The following ADAMTS20 variants were observed in gnomAD, a reference collection of about 807,000 sequenced individuals.
ADAMTS20 encodes A disintegrin and metalloproteinase with thrombospondin motifs 20.
Under a neutral mutation model 260.1 loss-of-function variants are expected in ADAMTS20, and 225 were observed. The ratio of observed to expected loss-of-function variants is 0.87; its 90% confidence interval spans 0.78 to 0.97. The LOEUF is 0.97. Among genes scored for constraint, ADAMTS20 ranks in the 50% least tolerant of loss-of-function variants. The probability of loss-of-function intolerance (pLI) is 0.00; values close to 1 mark genes in which losing one functional copy is unlikely to be tolerated. For missense variants in ADAMTS20, 2,400 were observed against 2,337.7 expected, an observed-to-expected ratio of 1.03 and a Z score of -0.55; for synonymous variants, 802 against 769.5, an observed-to-expected ratio of 1.04 and a Z score of -0.70.
chr12:43,462,292 C>T (rs1942077395), intron 11 of ADAMTS20, among the ~76,000 whole-genome samples: 1 of 152,186 alleles, frequency 6.6e-6, no homozygotes. Flanking sequence ...CTGAGGCCAT[C>T]CTGGAGCACA....
Position 43,432,765 on chromosome 12 carries a change from C to G in ADAMTS20, c.2767G>C (p.Gly923Arg). The G allele has an allele frequency of 6.2e-7, 1 of 1,613,940 alleles. No individual in the cohort carries two copies. Among genetic ancestry groups the G allele is most frequent in the Non-Finnish European group, 8.5e-7 (1 of 1,179,866 alleles). Reference protein sequence around the residue: ...KSECSSQCGQGYRTLDIHCMK... With the variant: ...KSECSSQCGQRYRTLDIHCMK... Reference sequence around the variant, plus strand: ...CAATGGATGTCCAAGGTTCTATATCCTTGACCACATTGGGATGAACATTCA... The same window carrying G: ...CAATGGATGTCCAAGGTTCTATATCGTTGACCACATTGGGATGAACATTCA... Residue 923 changes from glycine to arginine, a missense_variant, in exon 20 of 39, where the codon GGA becomes CGA. By Grantham distance (125) the Gly-to-Arg change is moderately radical. Transcript: ENST00000389420.
At chr12:43,548,253 T>C (rs12318468) in intron 2 of ADAMTS20, among the ~76,000 whole-genome samples, 2,254 of 152,278 alleles carry the variant, frequency 0.015, 52 homozygotes, top group African/African-American at 0.05. Flanking sequence ...TGAGAATCCT[T>C]CAGCAAACTG....
intron 36 of ADAMTS20, among the ~76,000 whole-genome samples, chr12:43,375,172 CAAA>C (rs58169338): frequency 1.2e-3 from 75 of 62,298 alleles, no homozygotes; most frequent in African/African-American, 3.4e-3. Flanking sequence ...AACTGCGTCT[CAAA>C]AAAAAAAAAA....
intron 3 of ADAMTS20, among the ~76,000 whole-genome samples, chr12:43,526,230 T>C (rs2132089): frequency 0.47 from 71,630 of 151,972 alleles, 17,488 homozygotes; most frequent in East Asian, 0.84. Flanking sequence ...CCGAGGTGGG[T>C]GGATCACGAG....
intron 7 of ADAMTS20, among the ~76,000 whole-genome samples, chr12:43,470,086 G>A (rs1034524263): frequency 6.6e-6 from 1 of 152,156 alleles, no homozygotes; most frequent in Non-Finnish European, 1.5e-5. Flanking sequence ...TATTTCCTCT[G>A]TAGAGTGTGA....
At chr12:43,458,543 C>T (rs1398049265) in intron 11 of ADAMTS20, among the ~76,000 whole-genome samples, 1 of 152,168 alleles carries the variant, frequency 6.6e-6, no homozygotes, top group Admixed American at 6.5e-5. Flanking sequence ...CTCATTTACC[C>T]CAGATATCCT....
chr12:43,542,945 T>C (rs1036661183), intron 2 of ADAMTS20, among the ~76,000 whole-genome samples: 11 of 152,160 alleles, frequency 7.2e-5, no homozygotes, highest in African/African-American at 2.4e-4. Context: ...TGGAGGAAGA[T>C]GGACAAGAAA....
At chr12:43,523,526 G>A (rs1187023460) in intron 3 of ADAMTS20, among the ~76,000 whole-genome samples, 2 of 152,114 alleles carry the variant, frequency 1.3e-5, no homozygotes, top group Non-Finnish European at 2.9e-5. Context: ...AACCTGGGAG[G>A]GATGTGGCTT....
chr12:43,535,628 T>A (rs1380084424), intron 2 of ADAMTS20, among the ~76,000 whole-genome samples: 1 of 152,166 alleles, frequency 6.6e-6, no homozygotes, highest in Non-Finnish European at 1.5e-5. Context: ...CACTTCAAAA[T>A]TAAGGTAGCT....
chr12:43,517,211 A>T (rs2137474365), intron 3 of ADAMTS20, among the ~76,000 whole-genome samples: 1 of 152,186 alleles, frequency 6.6e-6, no homozygotes, highest in East Asian at 1.9e-4. Context: ...AAACTAGCCA[A>T]CGTAACAAAA....
intron 29 of ADAMTS20, among the ~76,000 whole-genome samples, chr12:43,391,225 G>A (rs1940589858): frequency 6.6e-6 from 1 of 152,146 alleles, no homozygotes; most frequent in South Asian, 2.1e-4. Context: ...CCAACAATGA[G>A]TGCTCTACCC....
chr12:43,376,434 T>C, intron 33 of ADAMTS20, 90 bp downstream of exon 33: 1 of 1,467,452 alleles, frequency 6.8e-7, no homozygotes, highest in Non-Finnish European at 9.2e-7. Context: ...ACACTTTGTT[T>C]TGTGGAGTGT....
In ADAMTS20 at chr12:43,431,363, C is replaced by T. The variant is rs138573283; in HGVS notation, c.3230G>A (p.Cys1077Tyr). Reference protein sequence around the residue: ...ESLSPCELHTCASWQVGPWGP... With the variant: ...ESLSPCELHTYASWQVGPWGP... ...CCATGGTCCTACTTGCCAGGAAGCACATGTATGAAGTTCACATGGACTCAG... is the reference window on the plus strand; with the variant it reads ...CCATGGTCCTACTTGCCAGGAAGCATATGTATGAAGTTCACATGGACTCAG... The change falls in exon 22 of 39, where the codon TGT (cysteine) becomes TAT (tyrosine). Residue 1077 changes from cysteine (C) to tyrosine (Y), a missense_variant. Coordinates refer to ENST00000389420, the MANE Select transcript of ADAMTS20 (RefSeq NM_025003.5). The T allele has an allele frequency of 8.2e-5, 133 of 1,613,816 alleles. No individual in the cohort carries two copies. Among genetic ancestry groups the T allele is most frequent in the Non-Finnish European group, 1.0e-4 (123 of 1,179,858 alleles).
chr12:43,524,856 T>C (rs1312618614), intron 3 of ADAMTS20, among the ~76,000 whole-genome samples: 2 of 152,182 alleles, frequency 1.3e-5, no homozygotes, highest in Non-Finnish European at 2.9e-5. Flanking sequence ...TCTAAGATTA[T>C]GTAAAACAAT....
Position 43,375,447 on chromosome 12 carries a change from C to G in ADAMTS20, c.5378G>C (p.Gly1793Ala), listed in dbSNP as rs1394450039. 1.2e-6 allele frequency: 2 copies of G among 1,613,274 alleles called. No homozygotes were observed. The highest frequency in any genetic ancestry group is 1.7e-6 in the Non-Finnish European group (2 of 1,179,484). The change falls in exon 36 of 39, where the codon GGA becomes GCA. Residue 1793 changes from glycine to alanine, a missense_variant. Transcript: ENST00000389420. The part of the protein sequence containing the change: ...SRREDCECDN[G>A]HLAAGYTVFS... ...AACAGTGTATCCAGCAGCTAAGTGTCCATTGTCACATTCACAGTCTTCCCT... is the reference window on the plus strand; with the variant it reads ...AACAGTGTATCCAGCAGCTAAGTGTGCATTGTCACATTCACAGTCTTCCCT...
chr12:43,456,685 T>C (rs2137361715), intron 11 of ADAMTS20, among the ~76,000 whole-genome samples: 1 of 152,194 alleles, frequency 6.6e-6, no homozygotes, highest in South Asian at 2.1e-4. Context: ...GGGGCAGGAG[T>C]TCTTACTCCT....
At chr12:43,468,813 T>C in intron 7 of ADAMTS20, 108 bp from the exon 8 acceptor site, 2 of 623,094 alleles carry the variant, frequency 3.2e-6, no homozygotes, top group East Asian at 5.7e-5. Flanking sequence ...TAGAAAAGAA[T>C]GCAGAATTGG....
chr12:43,412,213 T>C (rs1052974903), intron 28 of ADAMTS20, among the ~76,000 whole-genome samples: 20 of 152,234 alleles, frequency 1.3e-4, no homozygotes, highest in African/African-American at 4.6e-4. Flanking sequence ...TTTATACTTT[T>C]TTTACATTAC....
chr12:43,501,789 C>T (rs1467256749), intron 4 of ADAMTS20, among the ~76,000 whole-genome samples: 1 of 152,118 alleles, frequency 6.6e-6, no homozygotes, highest in Non-Finnish European at 1.5e-5. Flanking sequence ...CTTCTCCCCT[C>T]TGTGCAGAAA....
Sources: allele counts gnomAD v4.1 joint callset (sites outside exome capture counted in the v4.1 genomes callset), GRCh38; gene constraint gnomAD v4.1.1; transcripts MANE v1.5; gene names NCBI Gene and HGNC (gene_info 2026-07-23, HGNC 2026-07-21).